ASGR2: variants seen among roughly 807,000 people sequenced by gnomAD.
ASGR2 encodes asialoglycoprotein receptor 2.
In ASGR2, 34 loss-of-function variants were observed where a neutral mutation model predicts 32.3. The ratio of observed to expected loss-of-function variants is 1.05; its 90% CI spans 0.80 to 1.40. The LOEUF is 1.40. ASGR2 is among the 40% of genes most tolerant of loss of function. The probability of loss-of-function intolerance (pLI) is 0.00; values close to 1 mark genes in which losing one functional copy is unlikely to be tolerated. For synonymous variants in ASGR2, 143 were observed against 150.0 expected, an observed-to-expected ratio of 0.95 and a Z score of 0.34; for missense variants, 385 against 386.4, an observed-to-expected ratio of 1.00 and a Z score of 0.03.
In ASGR2 at chr17:7,108,432, A is replaced by T; in HGVS notation, c.337+30T>A. On this transcript the variant is annotated intron_variant, in intron 4 of 8. Transcript: ENST00000691900. The surrounding 1 kb of genome is among the most constrained non-coding windows in gnomAD (Gnocchi z 4.9). ...CTGAGCCCAGCAAACCTGTGCGGATAAATGAGAACCCAGCCGTCCAGCCCC... is the reference window on the plus strand; with the variant it reads ...CTGAGCCCAGCAAACCTGTGCGGATTAATGAGAACCCAGCCGTCCAGCCCC... 5.8e-6 allele frequency: 9 copies of T among 1,559,928 alleles called. No homozygotes were observed. Among genetic ancestry groups the T allele is most frequent in the African/African-American group, 1.4e-5 (1 of 74,068 alleles).
At chr17:7,112,699 G>A (rs1193380955) in intron 2 of ASGR2, among the ~76,000 whole-genome samples, 1 of 152,056 alleles carries the variant, frequency 6.6e-6, no homozygotes, top group Non-Finnish European at 1.5e-5. Context: ...CCTCGGGAGG[G>A]ACCTCCTATC....
At chr17:7,104,955 G>A (rs533547176) in intron 7 of ASGR2, among the ~76,000 whole-genome samples, 6 of 147,992 alleles carry the variant, frequency 4.1e-5, no homozygotes, top group African/African-American at 1.5e-4. Context: ...CAGCCTGGGC[G>A]ACAGAGCAAG....
Position 7,114,084 on chromosome 17 carries a change from G to A in ASGR2, c.124+33C>T, listed in dbSNP as rs1392190438. On this transcript the variant is annotated intron_variant, in intron 2 of 8. Coordinates refer to ENST00000691900, the MANE Select transcript of ASGR2 (RefSeq NM_001201352.2). This position sits in a 1 kb window ranked among gnomAD's most constrained non-coding sequence, Gnocchi z 4.5. ...CAGAGCAATCATGAGCTGAGACAGA[G>A]GGGGAGCAAAGCCGCAGAAACTGCA... 1 of 1,613,176 alleles carries A rather than the reference G, an allele frequency of 6.2e-7. No homozygotes were observed. The highest frequency in any genetic ancestry group is 8.5e-7 in the Non-Finnish European group (1 of 1,179,612).
chr17:7,107,912 A>G lies in ASGR2; in HGVS notation c.338-5T>C, dbSNP rs762947970. 5.6e-6 allele frequency: 9 copies of G among 1,613,844 alleles called. No individual in the cohort carries two copies. In the East Asian group the frequency reaches 1.8e-4, roughly 32 times the overall value. On this transcript the variant is annotated splice_polypyrimidine_tract_variant and splice_region_variant and intron_variant, in intron 4 of 8. Coordinates refer to ENST00000691900, the MANE Select transcript of ASGR2 (RefSeq NM_001201352.2). The surrounding 1 kb of genome is among the most constrained non-coding windows in gnomAD (Gnocchi z 5.0). ...TCTTGTCACCCACGCTGCCTCCTGG[A>G]AGCGGAAAGCCAGCTGTTTCCCCGC... is the stretch of plus-strand genomic sequence containing the variant.
Position 7,107,729 on chromosome 17 carries a change from G to A in ASGR2, c.409+107C>T, listed in dbSNP as rs116145649. On this transcript the variant is annotated intron_variant, in intron 5 of 8. Transcript: ENST00000691900. The surrounding 1 kb of genome is among the most constrained non-coding windows in gnomAD (Gnocchi z 5.0). Reference sequence around the variant, plus strand: ...TACACATGCTTGCAGGCACACACACGCACGCACGCACACGTGCACACTACA... The same window carrying A: ...TACACATGCTTGCAGGCACACACACACACGCACGCACACGTGCACACTACA... 1.5e-4 allele frequency: 133 copies of A among 864,778 alleles called. 2 individuals are homozygous for A. The African/African-American group carries it at 1.6e-3, about 11-fold the overall frequency. 53.6% of individuals were successfully genotyped at this position (864,778 alleles called of 1,614,324 possible).
At chr17:7,102,497 G>A (rs1321858208) in intron 7 of ASGR2, among the ~76,000 whole-genome samples, 2 of 152,206 alleles carry the variant, frequency 1.3e-5, no homozygotes, top group African/African-American at 4.8e-5. Context: ...CAGAGCCAGA[G>A]AGCCAATCCT....
Position 7,106,641 on chromosome 17 carries a change from C to T in ASGR2, c.648+359G>A, listed in dbSNP as rs183833610. On this transcript the variant is annotated intron_variant, in intron 7 of 8. Coordinates refer to ENST00000691900, the MANE Select transcript of ASGR2 (RefSeq NM_001201352.2). ...AAGTTCAGCCAGACGCGGTGGTTCACGCCTGTAATCCCACCACTTTGGGAG... is the reference window on the plus strand; with the variant it reads ...AAGTTCAGCCAGACGCGGTGGTTCATGCCTGTAATCCCACCACTTTGGGAG... 3.9e-5 allele frequency among the ~76,000 whole-genome samples: 6 copies of T among 152,272 alleles called. 1 individual carries two copies. Among genetic ancestry groups the T allele is most frequent in the African/African-American group, 9.6e-5 (4 of 41,560 alleles).
chr17:7,106,577 T>G (rs956807693), intron 7 of ASGR2, among the ~76,000 whole-genome samples: 23 of 152,180 alleles, frequency 1.5e-4, no homozygotes, highest in African/African-American at 5.5e-4. Context: ...CTGGCCCCTG[T>G]ATCATATGGC....
At position 7,114,072 on chromosome 17, in the gene ASGR2, A is replaced by G; in HGVS notation, c.124+45T>C. 6.2e-7 allele frequency: 1 copy of G among 1,611,576 alleles called. No homozygotes were observed. Among genetic ancestry groups the G allele is most frequent in the Non-Finnish European group, 8.5e-7 (1 of 1,178,820 alleles). On this transcript the variant is annotated intron_variant, in intron 2 of 8. Transcript: ENST00000691900. This position sits in a 1 kb window ranked among gnomAD's most constrained non-coding sequence, Gnocchi z 4.5. The stretch of plus-strand genomic sequence containing the variant: ...ACCTCAAAGGGACAGAGCAATCATG[A>G]GCTGAGACAGAGGGGGAGCAAAGCC...
chr17:7,101,563 G>C lies in ASGR2; in HGVS notation c.*12C>G, dbSNP rs375254936. On this transcript the variant is annotated 3_prime_UTR_variant, in exon 9 of 9. Coordinates refer to ENST00000691900, the MANE Select transcript of ASGR2 (RefSeq NM_001201352.2). Reference sequence around the variant, plus strand: ...AGGTGTGGGGTATGGGTTAGCCAGAGGTGTGCTGGGGTCAGGCCACCTCGC... The same window carrying C: ...AGGTGTGGGGTATGGGTTAGCCAGACGTGTGCTGGGGTCAGGCCACCTCGC... The C allele has an allele frequency of 6.2e-7, 1 of 1,613,158 alleles. No individual in the cohort carries two copies.
chr17:7,113,764 C>T lies in ASGR2; in HGVS notation c.124+353G>A, dbSNP rs139538744. Among the ~76,000 whole-genome samples, 11 of 149,708 alleles carry T rather than the reference C, an allele frequency of 7.3e-5. No homozygotes were observed. Among genetic ancestry groups the T allele is most frequent in the Non-Finnish European group, 1.3e-4 (9 of 67,578 alleles). On this transcript the variant is annotated intron_variant, in intron 2 of 8. Transcript: ENST00000691900. This position sits in a 1 kb window ranked among gnomAD's most constrained non-coding sequence, Gnocchi z 5.1. Reference sequence around the variant, plus strand: ...GACATACACACACACAACATATGCACGCTCTCGCGCACATATACACACACA... The same window carrying T: ...GACATACACACACACAACATATGCATGCTCTCGCGCACATATACACACACA...
Position 7,107,468 on chromosome 17 carries a change from T to TACACCACACATAGACC in ASGR2, c.410-167_410-152dup. 2 of 767,084 alleles carry TACACCACACATAGACC rather than the reference T, an allele frequency of 2.6e-6. No individual in the cohort carries two copies. Among genetic ancestry groups the TACACCACACATAGACC allele is most frequent in the Non-Finnish European group, 4.3e-6 (2 of 465,490 alleles). 47.5% of individuals were successfully genotyped at this position (767,084 alleles called of 1,614,324 possible). A position where few individuals can be genotyped will look rare whatever the true frequency, so the allele number is the denominator to read the frequency against. On this transcript the variant is annotated intron_variant, in intron 5 of 8. Coordinates refer to ENST00000691900, the MANE Select transcript of ASGR2 (RefSeq NM_001201352.2). This position sits in a 1 kb window ranked among gnomAD's most constrained non-coding sequence, Gnocchi z 5.0. Reference sequence around the variant, plus strand: ...ATACCACACACACACCACAGACATGTACACCACACATAGACCACACCACAC... The same window carrying TACACCACACATAGACC: ...ATACCACACACACACCACAGACATGTACACCACACATAGACCACACCACACATAGACCACACCACAC...
In ASGR2 at chr17:7,102,237, C is replaced by T. The variant is rs568983662; in HGVS notation, c.649-41G>A. 4.6e-5 allele frequency: 70 copies of T among 1,523,026 alleles called. 1 individual carries two copies. In the South Asian group the frequency reaches 7.5e-4, roughly 16 times the overall value. The allele number at this position is 1,523,026 out of a possible 1,614,324, so 94.3% of individuals were successfully genotyped here. ...AACAGGAAATTTCTAGTCTCTTGTG[C>T]CTTTCTCCTCCCTCCATGCAGGCAT... On this transcript the variant is annotated intron_variant, in intron 7 of 8. Coordinates refer to ENST00000691900, the MANE Select transcript of ASGR2 (RefSeq NM_001201352.2).
rs1384512792 is a variant in ASGR2 at position 7,107,271 on chromosome 17, C to T, written c.456G>A (p.Leu152=). The T allele has an allele frequency of 2.5e-6, 4 of 1,614,124 alleles. No homozygotes were observed. Among genetic ancestry groups the T allele is most frequent in the East Asian group, 4.5e-5 (2 of 44,888 alleles). ...LFHLKHFPVD[L]RFVACQMELL... Reference sequence around the variant, plus strand: ...GCTCCATCTGGCAGGCCACGAAGCGCAGGTCCACGGGGAAGTGCTTCAGAT... The same window carrying T: ...GCTCCATCTGGCAGGCCACGAAGCGTAGGTCCACGGGGAAGTGCTTCAGAT... The change falls in exon 6 of 9, where the codon CTG becomes CTA. Residue 152 remains leucine, a synonymous_variant. Transcript: ENST00000691900. The surrounding 1 kb of genome is among the most constrained non-coding windows in gnomAD (Gnocchi z 5.0).
chr17:7,108,987 G>C lies in ASGR2; in HGVS notation c.125-99C>G, dbSNP rs1351397859. 3 of 1,146,496 alleles carry C rather than the reference G, an allele frequency of 2.6e-6. No homozygotes were observed. The highest frequency in any genetic ancestry group is 6.4e-5 in the East Asian group (2 of 31,088). The allele number at this position is 1,146,496 out of a possible 1,614,324, so 71.0% of individuals were successfully genotyped here. On this transcript the variant is annotated intron_variant, in intron 2 of 8. Transcript: ENST00000691900. The surrounding 1 kb of genome is among the most constrained non-coding windows in gnomAD (Gnocchi z 4.9). ...CTGAGGAGGCATAACCTGGGCGGGG[G>C]GATTGGTTGGGGCCATGGGGGGGGG...
intron 7 of ASGR2, among the ~76,000 whole-genome samples, chr17:7,105,742 G>A (rs1471457957): frequency 6.6e-6 from 1 of 151,862 alleles, no homozygotes; most frequent in Non-Finnish European, 1.5e-5. Context: ...GCCCTGTGCT[G>A]CCCCTCAGGG....
At chr17:7,105,462 G>A (rs1465343625) in intron 7 of ASGR2, among the ~76,000 whole-genome samples, 2 of 152,094 alleles carry the variant, frequency 1.3e-5, no homozygotes, top group African/African-American at 2.4e-5. Flanking sequence ...CGAATCGCTT[G>A]AGGCCAGGGG....
chr17:7,111,618 T>C lies in ASGR2; in HGVS notation c.124+2499A>G, dbSNP rs561260618. On this transcript the variant is annotated intron_variant, in intron 2 of 8. Coordinates refer to ENST00000691900, the MANE Select transcript of ASGR2 (RefSeq NM_001201352.2). ...TTGCAGTGAGCCAAGATCGCGCCACTGCACTCCGGCCTGGGCAACAGAGCG... is the reference window on the plus strand; with the variant it reads ...TTGCAGTGAGCCAAGATCGCGCCACCGCACTCCGGCCTGGGCAACAGAGCG... 4.8e-5 allele frequency among the ~76,000 whole-genome samples: 7 copies of C among 145,608 alleles called. No homozygotes were observed. In the South Asian group the frequency reaches 1.3e-3, roughly 27 times the overall value.
chr17:7,111,141 A>G (rs1914565245), intron 2 of ASGR2, among the ~76,000 whole-genome samples: 1 of 152,272 alleles, frequency 6.6e-6, no homozygotes, highest in South Asian at 2.1e-4. Context: ...CAAAGATTAC[A>G]AGGCATGCAA....
Sources: gnomAD v4.1 joint callset for allele counts (sites outside exome capture counted in the v4.1 genomes callset) on GRCh38, gnomAD v4.1.1 for gene constraint, Gnocchi (gnomAD v3.1) non-coding constraint, MANE v1.5 for transcripts, NCBI Gene and HGNC (gene_info 2026-07-23, HGNC 2026-07-21) for gene names.